PSG4: variants seen among roughly 807,000 people sequenced by gnomAD.
The protein encoded by PSG4 is pregnancy-specific beta-1-glycoprotein 4.
Under a neutral mutation model 44.3 loss-of-function variants are expected in PSG4, and 61 were observed. The ratio of observed to expected loss-of-function variants is 1.38; its 90% confidence interval spans 1.12 to 1.70. The LOEUF is 1.70. Ranked by LOEUF, PSG4 falls within the 40% of genes most tolerant of loss-of-function variation. PSG4 has a pLI of 0.00. For synonymous variants in PSG4, 248 were observed against 191.3 expected, an observed-to-expected ratio of 1.30 and a Z score of -2.45; for missense variants, 677 against 511.7, an observed-to-expected ratio of 1.32 and a Z score of -3.12.
chr19:43,195,698 G>A lies in PSG4; in HGVS notation c.710-425C>T, dbSNP rs1469161449. Among the ~76,000 whole-genome samples the A allele has an allele frequency of 4.6e-5, 7 of 151,204 alleles. 1 individual carries two copies. The highest frequency in any genetic ancestry group is 1.7e-4 in the African/African-American group (7 of 40,998). On this transcript the variant is annotated intron_variant, in intron 3 of 5. Coordinates refer to ENST00000405312, the MANE Select transcript of PSG4 (RefSeq NM_002780.5). ...ATTTCTCTGCAGCTTCCATTTCAAG[G>A]ACATTCTAGAGATGAGTAATAATGG...
chr19:43,198,204 T>C lies in PSG4; in HGVS notation c.502A>G (p.Thr168Ala). Residue 168 changes from threonine (T) to alanine (A), a missense_variant, in exon 3 of 6, where the codon ACC becomes GCC. Transcript: ENST00000405312. ...GCGGCTGGAGTCGCAGGATCACAGG[T>C]TAAGATCACAGCCTCCATGGCCTCC... ...PREAMEAVIL[T>A]CDPATPAASY... 1.3e-6 allele frequency: 2 copies of C among 1,587,566 alleles called. No homozygotes were observed. Among genetic ancestry groups the C allele is most frequent in the African/African-American group, 2.9e-5 (2 of 69,664 alleles).
At chr19:43,203,773 G>A in intron 2 of PSG4, 113 bp downstream of exon 2, 2 of 1,497,298 alleles carry the variant, frequency 1.3e-6, no homozygotes, top group Admixed American at 1.9e-5. Flanking sequence ...ACCCCAGCAT[G>A]GGACTTAATG....
rs771541607 is a variant in PSG4, at chr19:43,195,030, C to G, written c.953G>C (p.Gly318Ala). The G allele has an allele frequency of 2.8e-5, 45 of 1,611,896 alleles. 1 individual carries two copies. Among genetic ancestry groups the G allele is most frequent in the Admixed American group, 1.5e-4 (9 of 59,844 alleles). The change falls in exon 4 of 6, where the codon GGC (glycine) becomes GCC (alanine). Residue 318 changes from glycine to alanine, a missense_variant. Physicochemically the swap from Gly to Ala is moderately conservative, Grantham distance 60. Coordinates refer to ENST00000405312, the MANE Select transcript of PSG4 (RefSeq NM_002780.5). The stretch of plus-strand genomic sequence containing the variant: ...CAGGGTGACTGGGTCACTGCGGATG[C>G]CACCATATCGGTCCCGTATTTCACA... ...YQCEIRDRYG[G>A]IRSDPVTLNV...
At position 43,202,766 on chromosome 19, in the gene PSG4, G is replaced by A. The variant is rs1362936192; in HGVS notation, c.430+1120C>T. 8.2e-4 allele frequency among the ~76,000 whole-genome samples: 119 copies of A among 144,784 alleles called. 14 individuals are homozygous for A. The highest frequency in any genetic ancestry group is 1.6e-3 in the Non-Finnish European group (104 of 67,060). 95.0% of individuals were successfully genotyped at this position (144,784 alleles called of 152,430 possible). ...GAGGCAGGTGATTTAGTTCTGGAGT[G>A]CAGACTAATCAGCTGACCATTTGCT... On this transcript the variant is annotated intron_variant, in intron 2 of 5. Transcript: ENST00000405312.
Position 43,198,166 on chromosome 19 carries a change from C to T in PSG4, c.540G>A (p.Trp180Ter), listed in dbSNP as rs1244779422. The change falls in exon 3 of 6, where the codon TGG (tryptophan) becomes TGA (stop). Residue 180 changes from tryptophan (W) to a stop codon, truncating the protein, a stop_gained. Transcript: ENST00000405312. LOFTEE classifies it high-confidence loss of function. ...TAGGGAGGCTCTGACCATTCATCCA[C>T]CACTGGTAGCTTGCGGCTGGAGTCG... Reference protein sequence around the residue: ...DPATPAASYQWWMNGQSLPMT... With the variant: ...DPATPAASYQ The T allele has an allele frequency of 6.3e-7, 1 of 1,588,078 alleles. No individual in the cohort carries two copies. The highest frequency in any genetic ancestry group is 8.5e-7 in the Non-Finnish European group (1 of 1,171,956).
At chr19:43,203,059 T>C (rs1025405358) in intron 2 of PSG4, 1 of 145,730 alleles carries the variant, frequency 6.9e-6, no homozygotes, top group Non-Finnish European at 1.5e-5. Context: ...TGTGAATAAA[T>C]GTTAAATGAT....
chr19:43,194,579 G>C lies in PSG4; in HGVS notation c.1004C>G (p.Pro335Arg), dbSNP rs74602303. The C allele has an allele frequency of 2.2e-4, 351 of 1,611,576 alleles. 9 individuals carry two copies. In the African/African-American group the frequency reaches 4.2e-3, roughly 20 times the overall value. The change falls in exon 5 of 6, where the codon CCC (proline) becomes CGC (arginine). Residue 335 changes from proline (P) to arginine (R), a missense_variant. Pro to Arg is a moderately radical substitution (Grantham distance 103, BLOSUM62 -2). Coordinates refer to ENST00000405312, the MANE Select transcript of PSG4 (RefSeq NM_002780.5). ...TLNVLYGPDL[P>R]SIYPSFTYYR... ...ATAGGTGAATGAAGGGTAAATGCTG[G>C]GGAGGTCTGGACCATCTGGCGCAAA...
intron 1 of PSG4, chr19:43,205,088 C>G (rs1391800200): frequency 6.6e-6 from 1 of 151,978 alleles, no homozygotes; most frequent in African/African-American, 4.4e-5. Flanking sequence ...CCCTTTTCTT[C>G]TTTTTTCTTT....
chr19:43,201,928 C>A (rs1967530893), intron 2 of PSG4, among the ~76,000 whole-genome samples: 3 of 144,478 alleles, frequency 2.1e-5, no homozygotes, highest in Non-Finnish European at 4.5e-5. Flanking sequence ...ACAGGTCAGC[C>A]TCACAAAGGG....
At chr19:43,195,552 T>A (rs1231389507) in intron 3 of PSG4, among the ~76,000 whole-genome samples, 3 of 151,490 alleles carry the variant, frequency 2.0e-5, no homozygotes, top group South Asian at 4.2e-4. Context: ...CACAGCCCCT[T>A]GTACCCCTCC....
At position 43,204,035 on chromosome 19, in the gene PSG4, G is replaced by A. The variant is rs751035589; in HGVS notation, c.281C>T (p.Ala94Val). The A allele has an allele frequency of 2.1e-5, 34 of 1,587,344 alleles. 2 individuals are homozygous for A. ...ATATACTCTTTCTCTTCCACTGTAT[G>A]CAGGCCCATATATAATTCTTTGACC... ...VDGQRIIYGP[A>V]YSGRERVYSN... The change falls in exon 2 of 6, where the codon GCA becomes GTA. Residue 94 changes from alanine (A) to valine (V), a missense_variant. By Grantham distance (64) the Ala-to-Val change is moderately conservative (BLOSUM62 0). Transcript: ENST00000405312.
intron 5 of PSG4, 124 bp downstream of exon 5, chr19:43,194,216 A>C: frequency 6.3e-7 from 1 of 1,583,744 alleles, no homozygotes; most frequent in Non-Finnish European, 8.6e-7. Context: ...CAGGAGTAGA[A>C]TTTGGGATTT....
rs759940767 is a variant in PSG4, at chr19:43,198,186, G to A, written c.520C>T (p.Pro174Ser). ...AVILTCDPAT[P>S]AASYQWWMNG... is the part of the protein sequence containing the mutation. ...ATCCACCACTGGTAGCTTGCGGCTG[G>A]AGTCGCAGGATCACAGGTTAAGATC... The change falls in exon 3 of 6, where the codon CCA becomes TCA. Residue 174 changes from proline (P) to serine (S), a missense_variant. Coordinates refer to ENST00000405312, the MANE Select transcript of PSG4 (RefSeq NM_002780.5). The A allele has an allele frequency of 5.0e-6, 8 of 1,587,666 alleles. No homozygotes were observed. The highest frequency in any genetic ancestry group is 1.4e-5 in the African/African-American group (1 of 69,594).
Position 43,203,862 on chromosome 19 carries a change from C to A in PSG4, c.430+24G>T, listed in dbSNP as rs367974661. Reference sequence around the variant, plus strand: ...GAAGTGACCCCTGTCCCCCAACACCCAGGGATCATGTGGAATCACTCACGG... The same window carrying A: ...GAAGTGACCCCTGTCCCCCAACACCAAGGGATCATGTGGAATCACTCACGG... On this transcript the variant is annotated intron_variant, in intron 2 of 5. Coordinates refer to ENST00000405312, the MANE Select transcript of PSG4 (RefSeq NM_002780.5). The A allele has an allele frequency of 3.9e-5, 61 of 1,571,836 alleles. 2 individuals carry two copies. Among genetic ancestry groups the A allele is most frequent in the Admixed American group, 5.3e-5 (3 of 56,948 alleles).
At chr19:43,196,557 G>T (rs1436784493) in intron 3 of PSG4, 1 of 151,568 alleles carries the variant, frequency 6.6e-6, no homozygotes, top group Admixed American at 6.6e-5. Context: ...AAATGCTTCA[G>T]TGAGCATTTC....
At position 43,195,275 on chromosome 19, in the gene PSG4, T is replaced by A. The variant is rs1230957164; in HGVS notation, c.710-2A>T. 1.2e-6 allele frequency: 2 copies of A among 1,610,062 alleles called. No homozygotes were observed. The highest frequency in any genetic ancestry group is 2.7e-5 in the African/African-American group (2 of 74,568). ...TGATGTAGGGCTTGGACAGCTTTGC[T>A]GTGTGGATAACAGAGAGAAGATTGT... On this transcript the variant is annotated splice_acceptor_variant, in intron 3 of 5. Transcript: ENST00000405312. LOFTEE classifies it high-confidence loss of function.
intron 3 of PSG4, among the ~76,000 whole-genome samples, chr19:43,197,293 A>C: frequency 6.9e-6 from 1 of 145,490 alleles, no homozygotes; most frequent in Non-Finnish European, 1.5e-5. Context: ...TGATAGCTAG[A>C]TAGACTTCAC....
At chr19:43,197,341 C>G (rs1321629858) in intron 3 of PSG4, among the ~76,000 whole-genome samples, 1 of 145,646 alleles carries the variant, frequency 6.9e-6, no homozygotes, top group Non-Finnish European at 1.5e-5. Context: ...GATCCACTTA[C>G]CAGGCACTAT....
chr19:43,193,719 C>G, intron 5 of PSG4: 1 of 540,372 alleles, frequency 1.9e-6, no homozygotes, highest in Non-Finnish European at 3.3e-6. Context: ...TGACTTCAGA[C>G]TTTGCCTGCA....
Sources: gnomAD v4.1 joint callset for allele counts (sites outside exome capture counted in the v4.1 genomes callset) on GRCh38, gnomAD v4.1.1 for gene constraint, MANE v1.5 for transcripts, NCBI Gene and HGNC (gene_info 2026-07-23, HGNC 2026-07-21) for gene names.